ELMO1: variants seen among roughly 807,000 people sequenced by gnomAD.
ELMO1 encodes engulfment and cell motility protein 1.
Under a neutral mutation model 98.9 loss-of-function variants are expected in ELMO1, and 26 were observed. The ratio of observed to expected loss-of-function variants is 0.26; its 90% CI spans 0.19 to 0.36. The LOEUF (loss-of-function observed/expected upper bound fraction) is 0.36. Ranked by LOEUF, ELMO1 falls within the 10% of genes least tolerant of loss-of-function variation. ELMO1 has a pLI of 1.00. For synonymous variants in ELMO1, 346 were observed against 346.0 expected (o/e 1.00, Z 0.00); for missense variants, 627 against 935.2 (o/e 0.67, Z 4.30).
intron 2 of ELMO1, among the ~76,000 whole-genome samples, chr7:37,323,933 C>A (rs1562614385): frequency 6.6e-6 from 1 of 152,136 alleles, no homozygotes; most frequent in Non-Finnish European, 1.5e-5. Context: ...TTTGCCTCTT[C>A]TTGATCTCTT....
At chr7:37,007,636 G>A (rs976398511) in intron 16 of ELMO1, among the ~76,000 whole-genome samples, 1 of 152,220 alleles carries the variant, frequency 6.6e-6, no homozygotes, top group Non-Finnish European at 1.5e-5. Context: ...TGAAAAGCAT[G>A]CACAGAAAGT....
At chr7:37,386,631 A>C (rs1802814977) in intron 1 of ELMO1, among the ~76,000 whole-genome samples, 1 of 152,014 alleles carries the variant, frequency 6.6e-6, no homozygotes, top group South Asian at 2.1e-4. Context: ...CACTCAGTTC[A>C]GGTAAGTAAA....
intron 16 of ELMO1, among the ~76,000 whole-genome samples, chr7:36,977,357 A>T (rs1790644902): frequency 6.6e-6 from 1 of 152,258 alleles, no homozygotes; most frequent in Non-Finnish European, 1.5e-5. Flanking sequence ...AGTGTTTCTG[A>T]CATTGGTCTG....
At chr7:37,310,818 C>T (rs566988442) in intron 4 of ELMO1, among the ~76,000 whole-genome samples, 1 of 152,132 alleles carries the variant, frequency 6.6e-6, no homozygotes, top group Non-Finnish European at 1.5e-5. Flanking sequence ...CCTGTACAAC[C>T]CCCACAAGTT....
At chr7:36,891,163 C>A (rs1805515865) in intron 17 of ELMO1, among the ~76,000 whole-genome samples, 1 of 152,250 alleles carries the variant, frequency 6.6e-6, no homozygotes, top group African/African-American at 2.4e-5. Flanking sequence ...TCTTAACTTG[C>A]TGTCATCTTA....
chr7:37,114,654 T>C lies in ELMO1; in HGVS notation c.1192-17927A>G, dbSNP rs552472840. The stretch of plus-strand genomic sequence containing the variant: ...AAATATCAATGAGGAATTCAAGCAA[T>C]GGAGAAAAATATACAAAATCAAGCA... On this transcript the variant is annotated intron_variant, in intron 14 of 21. Coordinates refer to ENST00000310758, the MANE Select transcript of ELMO1 (RefSeq NM_014800.11). 2.0e-4 allele frequency among the ~76,000 whole-genome samples: 31 copies of C among 151,838 alleles called. 2 individuals are homozygous for C. The South Asian group carries it at 6.2e-3, about 31-fold the overall frequency.
intron 16 of ELMO1, among the ~76,000 whole-genome samples, chr7:36,943,267 T>C (rs925804650): frequency 6.6e-6 from 1 of 152,258 alleles, no homozygotes; most frequent in Non-Finnish European, 1.5e-5. Flanking sequence ...TATGCAGTTC[T>C]GTGACTGTCA....
chr7:37,421,438 T>C (rs145503776), intron 1 of ELMO1, among the ~76,000 whole-genome samples: 18 of 152,374 alleles, frequency 1.2e-4, no homozygotes, highest in African/African-American at 3.8e-4. Context: ...TTCTGCTCTA[T>C]ATCCAACAAC....
At chr7:37,249,382 A>T (rs772296867) in intron 6 of ELMO1, among the ~76,000 whole-genome samples, 51 of 152,200 alleles carry the variant, frequency 3.4e-4, no homozygotes, top group Admixed American at 1.4e-3. Flanking sequence ...TTATACACTT[A>T]ATGTTTCTTT....
intron 16 of ELMO1, among the ~76,000 whole-genome samples, chr7:36,969,034 T>C (rs1291701185): frequency 6.6e-6 from 1 of 152,162 alleles, no homozygotes; most frequent in East Asian, 1.9e-4. Flanking sequence ...TGAGAATTTA[T>C]TGAGGATCTT....
chr7:37,231,873 G>A (rs933690095), intron 8 of ELMO1, among the ~76,000 whole-genome samples: 1 of 152,020 alleles, frequency 6.6e-6, no homozygotes, highest in African/African-American at 2.4e-5. Context: ...ACTTTTTTGA[G>A]ACAGGGTCTC....
chr7:37,359,758 C>T (rs1801628789), intron 1 of ELMO1, among the ~76,000 whole-genome samples: 1 of 152,210 alleles, frequency 6.6e-6, no homozygotes, highest in East Asian at 1.9e-4. Context: ...CACATTATCC[C>T]TGACTCTGAA....
At chr7:37,287,243 C>G (rs540265583) in intron 4 of ELMO1, among the ~76,000 whole-genome samples, 27 of 151,786 alleles carry the variant, frequency 1.8e-4, no homozygotes, top group Non-Finnish European at 3.5e-4. Flanking sequence ...GCTGCTTTAT[C>G]AATGCACGTG....
At chr7:37,158,013 C>T (rs1274217179) in intron 13 of ELMO1, among the ~76,000 whole-genome samples, 1 of 152,084 alleles carries the variant, frequency 6.6e-6, no homozygotes, top group African/African-American at 2.4e-5. Context: ...CATCTACAAC[C>T]ATCTGATCTT....
chr7:37,088,795 T>G (rs1199290400), intron 15 of ELMO1, among the ~76,000 whole-genome samples: 2 of 152,228 alleles, frequency 1.3e-5, no homozygotes, highest in African/African-American at 4.8e-5. Flanking sequence ...ACTTTTATGC[T>G]CTCTCCTATG....
intron 15 of ELMO1, among the ~76,000 whole-genome samples, chr7:37,026,910 C>T (rs1794612513): frequency 6.6e-6 from 1 of 152,182 alleles, no homozygotes; most frequent in Admixed American, 6.5e-5. Context: ...CTTCCAGAAA[C>T]ACATGACTGC....
intron 16 of ELMO1, chr7:36,986,361 T>A: frequency 1.5e-6 from 1 of 664,320 alleles, no homozygotes; most frequent in Non-Finnish European, 1.9e-6. Flanking sequence ...TTTAGTGTCC[T>A]ATGCTCTTTT....
Position 37,438,373 on chromosome 7 carries a change from G to C in ELMO1, c.-74+10302C>G, listed in dbSNP as rs185159587. On this transcript the variant is annotated intron_variant, in intron 1 of 21. Coordinates refer to ENST00000310758, the MANE Select transcript of ELMO1 (RefSeq NM_014800.11). Reference sequence around the variant, plus strand: ...GAGGCCGAGGCAGGAGGATCACGAGGTCAGGAGATCGAGACCATCCTGGCT... The same window carrying C: ...GAGGCCGAGGCAGGAGGATCACGAGCTCAGGAGATCGAGACCATCCTGGCT... Among the ~76,000 whole-genome samples the C allele has an allele frequency of 1.2e-3, 177 of 150,382 alleles. 4 individuals carry two copies. The East Asian group carries it at 0.033, about 28-fold the overall frequency.
intron 1 of ELMO1, among the ~76,000 whole-genome samples, chr7:37,372,833 A>G (rs1188133759): frequency 6.6e-6 from 1 of 152,210 alleles, no homozygotes; most frequent in Non-Finnish European, 1.5e-5. Context: ...GCTTCTCAAC[A>G]TACTTTTTCA....
Sources: allele counts gnomAD v4.1 joint callset (sites outside exome capture counted in the v4.1 genomes callset), GRCh38; gene constraint gnomAD v4.1.1; transcripts MANE v1.5; gene names NCBI Gene and HGNC (gene_info 2026-07-23, HGNC 2026-07-21).